Variants in CHST15 observed in about 807,000 individuals in gnomAD.
CHST15 encodes carbohydrate sulfotransferase 15.
In CHST15, 30 loss-of-function variants were observed where a neutral mutation model predicts 53.6. That is an observed-to-expected ratio of 0.56 (90% CI 0.42 to 0.76). The LOEUF is 0.76. Ranked by LOEUF, CHST15 falls within the 30% of genes least tolerant of loss-of-function variation. CHST15 has a pLI of 0.00. For missense variants in CHST15, 627 were observed against 740.5 expected (o/e 0.85, Z 1.78); for synonymous variants, 296 against 289.8 (o/e 1.02, Z -0.22).
At chr10:124,022,811 CTTTT>C (rs924775599) in intron 5 of CHST15, among the ~76,000 whole-genome samples, 1 of 100,422 alleles carries the variant, frequency 1.0e-5, no homozygotes, top group Non-Finnish European at 2.0e-5. Flanking sequence ...CTTGGCATTT[CTTTT>C]TTTTTTTTTT....
chr10:124,074,085 A>G lies in CHST15; in HGVS notation c.-513+19384T>C, dbSNP rs924170749. On this transcript the variant is annotated intron_variant, in intron 1 of 7. Transcript: ENST00000435907. The surrounding 1 kb of genome is among the most constrained non-coding windows in gnomAD (Gnocchi z 4.4). ...CACATAGTCTTTTTAGCCTCTTTCC[A>G]TAGAAGACTTTCTCAGGACAGAAGT... Among the ~76,000 whole-genome samples, 1 of 152,202 alleles carries G rather than the reference A, an allele frequency of 6.6e-6. No individual in the cohort carries two copies. The highest frequency in any genetic ancestry group is 6.5e-5 in the Admixed American group (1 of 15,288).
chr10:124,069,569 C>T (rs557970224), intron 1 of CHST15, among the ~76,000 whole-genome samples: 37 of 152,304 alleles, frequency 2.4e-4, no homozygotes, highest in Non-Finnish European at 2.5e-4. Flanking sequence ...AGCAGTGACA[C>T]GTGCAGGGCC....
At chr10:124,081,062 A>G (rs975958569) in intron 1 of CHST15, among the ~76,000 whole-genome samples, 8 of 152,212 alleles carry the variant, frequency 5.3e-5, no homozygotes, top group Non-Finnish European at 1.2e-4. Context: ...TCCTTCCCCA[A>G]GAGAAAAACA....
At chr10:124,013,404 C>T (rs7097566) in intron 6 of CHST15, among the ~76,000 whole-genome samples, 39,952 of 152,166 alleles carry the variant, frequency 0.26, 5,383 homozygotes, top group East Asian at 0.35. Context: ...ATACCATGGC[C>T]AGTGGCACTA....
In CHST15 at chr10:124,008,510, G is replaced by A; in HGVS notation, c.*1639C>T. The A allele has an allele frequency of 1.0e-6, 1 of 992,920 alleles. No homozygotes were observed. The highest frequency in any genetic ancestry group is 1.2e-6 in the Non-Finnish European group (1 of 833,938). 61.5% of individuals were successfully genotyped at this position (992,920 alleles called of 1,614,324 possible). ...ACTGTCCCTGCAAGTGGGAGTTCAG[G>A]ACACACGCTCCTTCAGTAGCAAAAA... On this transcript the variant is annotated 3_prime_UTR_variant, in exon 8 of 8. Coordinates refer to ENST00000435907, the MANE Select transcript of CHST15 (RefSeq NM_001270764.2).
chr10:124,054,513 C>T (rs1170912144), intron 1 of CHST15, among the ~76,000 whole-genome samples: 4 of 152,288 alleles, frequency 2.6e-5, no homozygotes, highest in Middle Eastern at 3.4e-3. Context: ...ATGCAGCCAG[C>T]GCCTCCCCTG....
chr10:124,009,811 G>A lies in CHST15; in HGVS notation c.*338C>T, dbSNP rs529718121. On this transcript the variant is annotated 3_prime_UTR_variant, in exon 8 of 8. Transcript: ENST00000435907. ...CAGAGGCTCTCCAGAAGGCGGAGGC[G>A]GGCAGGGCCAGGCTGCCTTCCCTAG... 5.0e-4 allele frequency: 547 copies of A among 1,083,472 alleles called. 1 individual carries two copies. The highest frequency in any genetic ancestry group is 3.2e-3 in the East Asian group (40 of 12,522). The allele number at this position is 1,083,472 out of a possible 1,614,324, so 67.1% of individuals were successfully genotyped here. A position where few individuals can be genotyped will look rare whatever the true frequency, so the allele number is the denominator to read the frequency against.
intron 1 of CHST15, among the ~76,000 whole-genome samples, chr10:124,092,980 C>A (rs1296119428): frequency 6.6e-6 from 1 of 152,216 alleles, no homozygotes; most frequent in African/African-American, 2.4e-5. Flanking sequence ...CTCCGGCTAT[C>A]CACGGCGCCA....
intron 1 of CHST15, among the ~76,000 whole-genome samples, chr10:124,088,231 G>A (rs181113838): frequency 9.8e-5 from 15 of 152,304 alleles, no homozygotes; most frequent in Admixed American, 6.5e-4. Context: ...TCTCAAAGTC[G>A]CTACCCCGGG....
At chr10:124,049,047 C>A (rs1441197204) in intron 1 of CHST15, among the ~76,000 whole-genome samples, 1 of 152,210 alleles carries the variant, frequency 6.6e-6, no homozygotes, top group Non-Finnish European at 1.5e-5. Flanking sequence ...CCTGAGGAGG[C>A]AATTCGAGAT....
chr10:124,043,887 A>G (rs181077052), intron 3 of CHST15, among the ~76,000 whole-genome samples: 98 of 149,812 alleles, frequency 6.5e-4, no homozygotes, highest in Admixed American at 1.9e-3. Context: ...CACAGAGCAG[A>G]GGAACAGCAC....
intron 1 of CHST15, among the ~76,000 whole-genome samples, chr10:124,075,461 C>T (rs1189651563): frequency 6.6e-6 from 1 of 152,170 alleles, no homozygotes; most frequent in Non-Finnish European, 1.5e-5. Flanking sequence ...AGCGTCCCGG[C>T]TCCCTTTGAG....
At chr10:124,093,244 G>A (rs1714889946) in intron 1 of CHST15, among the ~76,000 whole-genome samples, 2 of 150,376 alleles carry the variant, frequency 1.3e-5, no homozygotes, top group East Asian at 1.9e-4. Flanking sequence ...TGTCTGCCTG[G>A]GCCGCCGCCG....
At chr10:124,088,852 G>C (rs946197786) in intron 1 of CHST15, among the ~76,000 whole-genome samples, 3 of 152,132 alleles carry the variant, frequency 2.0e-5, no homozygotes, top group Non-Finnish European at 2.9e-5. Context: ...CTTCTTCCTG[G>C]ACACTCCTAA....
chr10:124,086,692 T>G (rs1949440134), intron 1 of CHST15, among the ~76,000 whole-genome samples: 1 of 150,790 alleles, frequency 6.6e-6, no homozygotes, highest in Non-Finnish European at 1.5e-5. Flanking sequence ...CTCCTCTATC[T>G]CTCCATAGGT....
At chr10:124,018,825 G>A (rs1226331051) in intron 6 of CHST15, among the ~76,000 whole-genome samples, 1 of 152,172 alleles carries the variant, frequency 6.6e-6, no homozygotes, top group Non-Finnish European at 1.5e-5. Flanking sequence ...AGGTTACAAT[G>A]AAAGGGCCAG....
chr10:124,070,226 A>G (rs28418828), intron 1 of CHST15, among the ~76,000 whole-genome samples: 40,997 of 152,060 alleles, frequency 0.27, 5,670 homozygotes, highest in Middle Eastern at 0.4. Context: ...AGCCAATCCC[A>G]AGCCAGAGGC....
At chr10:124,042,612 G>A (rs1361428982) in intron 3 of CHST15, among the ~76,000 whole-genome samples, 165 bp from the exon 4 acceptor site, 1 of 152,146 alleles carries the variant, frequency 6.6e-6, no homozygotes, top group Non-Finnish European at 1.5e-5. Context: ...TGGGGATGGG[G>A]GTGGGGGTCT....
intron 5 of CHST15, among the ~76,000 whole-genome samples, chr10:124,028,849 T>C (rs987131717): frequency 6.6e-6 from 1 of 152,208 alleles, no homozygotes; most frequent in Admixed American, 6.5e-5. Flanking sequence ...TGACCATCCC[T>C]GGGCTGGCTC....
Sources: allele counts gnomAD v4.1 joint callset (sites outside exome capture counted in the v4.1 genomes callset), GRCh38; gene constraint gnomAD v4.1.1; non-coding constraint Gnocchi (gnomAD v3.1); transcripts MANE v1.5; gene names NCBI Gene and HGNC (gene_info 2026-07-23, HGNC 2026-07-21).